The following ZBTB42 variants were observed in gnomAD, a reference collection of about 807,000 sequenced individuals.
ZBTB42 encodes the protein zinc finger and BTB domain-containing protein 42.
ZBTB42 carries 3 observed loss-of-function variants against 4.7 expected under a neutral mutation model. The ratio of observed to expected loss-of-function variants is 0.64; its 90% CI spans 0.29 to 1.66. The LOEUF is 1.66. Ranked by LOEUF, ZBTB42 falls within the 40% of genes most tolerant of loss-of-function variation. The pLI, the probability that ZBTB42 is intolerant of heterozygous loss-of-function variation, is 0.10. For synonymous variants in ZBTB42, 255 were observed against 259.5 expected (o/e 0.98, Z 0.17); for missense variants, 521 against 577.1 (o/e 0.90, Z 1.00).
rs1894033518 is a variant in ZBTB42 at position 104,801,185 on chromosome 14, TGAC to T, written c.-11_-9del. On this transcript the variant is annotated 5_prime_UTR_variant, in exon 1 of 1. Coordinates refer to ENST00000342537, the MANE Select transcript of ZBTB42 (RefSeq NM_001137601.3). This position sits in a 1 kb window ranked among gnomAD's most constrained non-coding sequence, Gnocchi z 4.4. The stretch of plus-strand genomic sequence containing the variant: ...GGGCGTCCCGTTTGTGCCCAGGTGA[TGAC>T]GGCGGCGGCATGGAGTTCCCTGAGC... 1 of 1,409,232 alleles carries T rather than the reference TGAC, an allele frequency of 7.1e-7. No individual in the cohort carries two copies. The highest frequency in any genetic ancestry group is 1.5e-5 in the African/African-American group (1 of 66,390). The allele number at this position is 1,409,232 out of a possible 1,614,324, so 87.3% of individuals were successfully genotyped here.
In ZBTB42 at chr14:104,802,312, A is replaced by T. The variant is rs1006754789; in HGVS notation, c.1115A>T (p.Gln372Leu). ...TGTGTGCAGTGTGGCAAAAGTTTTC[A>T]GTACTCCCACAACCTGAGCCGGCAC... is the stretch of plus-strand genomic sequence containing the variant. The part of the protein sequence containing the change: ...YTCVQCGKSF[Q>L]YSHNLSRHTV... Residue 372 changes from glutamine to leucine, a missense_variant, in exon 1 of 1, where the codon CAG (glutamine) becomes CTG (leucine). Physicochemically the swap from Gln to Leu is moderately radical, Grantham distance 113 (BLOSUM62 -2). Coordinates refer to ENST00000342537, the MANE Select transcript of ZBTB42 (RefSeq NM_001137601.3). This position sits in a 1 kb window ranked among gnomAD's most constrained non-coding sequence, Gnocchi z 5.9. 3.2e-6 allele frequency: 5 copies of T among 1,550,338 alleles called. No homozygotes were observed. The highest frequency in any genetic ancestry group is 4.4e-6 in the Non-Finnish European group (5 of 1,146,980).
In ZBTB42 at chr14:104,801,623, CTGGCCTG is replaced by C; in HGVS notation, c.428_434del (p.Trp143SerfsTer48). The C allele has an allele frequency of 6.5e-7, 1 of 1,550,068 alleles. No homozygotes were observed. Among genetic ancestry groups the C allele is most frequent in the Non-Finnish European group, 8.7e-7 (1 of 1,146,788 alleles). On this transcript the variant is annotated frameshift_variant, in exon 1 of 1. Transcript: ENST00000342537. LOFTEE classifies it low-confidence loss of function (END_TRUNC). This position sits in a 1 kb window ranked among gnomAD's most constrained non-coding sequence, Gnocchi z 4.4. ...CAGAACCTGCTCAGCCACCGTGCCCCTGGCCTGTCTGGACCGCGGACCTCTGCCCAGC... is the reference window on the plus strand; with the variant it reads ...CAGAACCTGCTCAGCCACCGTGCCCCTCTGGACCGCGGACCTCTGCCCAGC...
chr14:104,801,799 T>A lies in ZBTB42; in HGVS notation c.602T>A (p.Val201Asp), dbSNP rs1024169724. 8 of 1,549,500 alleles carry A rather than the reference T, an allele frequency of 5.2e-6. No individual in the cohort carries two copies. In the African/African-American group the frequency reaches 8.2e-5, roughly 16 times the overall value. The part of the protein sequence containing the change: ...SLKSGPRQER[V>D]HPPCVLQTPL... ...AAGTCTGGCCCAAGGCAGGAGCGGG[T>A]CCACCCACCGTGCGTCCTCCAGACA... The change falls in exon 1 of 1, where the codon GTC becomes GAC. Residue 201 changes from valine (V) to aspartate (D), a missense_variant. Val to Asp is a radical substitution (Grantham distance 152). Coordinates refer to ENST00000342537, the MANE Select transcript of ZBTB42 (RefSeq NM_001137601.3). This position sits in a 1 kb window ranked among gnomAD's most constrained non-coding sequence, Gnocchi z 4.4.
In ZBTB42 at chr14:104,802,779, T is replaced by C. The variant is rs1894078530; in HGVS notation, c.*313T>C. On this transcript the variant is annotated 3_prime_UTR_variant, in exon 1 of 1. Coordinates refer to ENST00000342537, the MANE Select transcript of ZBTB42 (RefSeq NM_001137601.3). This position sits in a 1 kb window ranked among gnomAD's most constrained non-coding sequence, Gnocchi z 5.9. ...CCCTCCAGCCAAGTTCTGAGGGGTGTCCAACCAGCACCTGGCTCTGCCCCC... is the reference window on the plus strand; with the variant it reads ...CCCTCCAGCCAAGTTCTGAGGGGTGCCCAACCAGCACCTGGCTCTGCCCCC... 2 of 437,432 alleles carry C rather than the reference T, an allele frequency of 4.6e-6. No individual in the cohort carries two copies. Among genetic ancestry groups the C allele is most frequent in the Admixed American group, 4.1e-5 (1 of 24,414 alleles). The allele number at this position is 437,432 out of a possible 1,614,324, so 27.1% of individuals were successfully genotyped here.
rs772654865 is a variant in ZBTB42, at chr14:104,802,042, C to T, written c.845C>T (p.Ala282Val). 30 of 1,494,844 alleles carry T rather than the reference C, an allele frequency of 2.0e-5. No homozygotes were observed. The highest frequency in any genetic ancestry group is 2.4e-5 in the Non-Finnish European group (27 of 1,122,234). 92.6% of individuals were successfully genotyped at this position (1,494,844 alleles called of 1,614,324 possible). ...CTGGAGCTTGGTGCAGGGCGACTGG[C>T]GAGTGAGGACGAGCTGGGGCCTGGT... ...RELELGAGRL[A>V]SEDELGPGGP... Residue 282 changes from alanine (A) to valine (V), a missense_variant, in exon 1 of 1, where the codon GCG becomes GTG. Coordinates refer to ENST00000342537, the MANE Select transcript of ZBTB42 (RefSeq NM_001137601.3). This position sits in a 1 kb window ranked among gnomAD's most constrained non-coding sequence, Gnocchi z 5.9.
chr14:104,802,931 AGTT>A lies in ZBTB42; in HGVS notation c.*470_*472del, dbSNP rs543691621. On this transcript the variant is annotated 3_prime_UTR_variant, in exon 1 of 1. Transcript: ENST00000342537. This position sits in a 1 kb window ranked among gnomAD's most constrained non-coding sequence, Gnocchi z 5.9. ...AGGTGAATTATTCACATGTCAGAAA[AGTT>A]GTTGGTGTGCGTCCCAATGGGGCGC... The A allele has an allele frequency of 7.2e-4, 142 of 197,718 alleles. No homozygotes were observed. The highest frequency in any genetic ancestry group is 1.3e-3 in the Non-Finnish European group (115 of 87,110). The allele number at this position is 197,718 out of a possible 1,614,324, so 12.2% of individuals were successfully genotyped here. A position where few individuals can be genotyped will look rare whatever the true frequency, so the allele number is the denominator to read the frequency against.
rs1004665020 is a variant in ZBTB42 at position 104,804,060 on chromosome 14, G to C, written c.*1594G>C. 6.0e-6 allele frequency: 1 copy of C among 166,748 alleles called. No homozygotes were observed. The highest frequency in any genetic ancestry group is 6.5e-5 in the Admixed American group (1 of 15,288). 10.3% of individuals were successfully genotyped at this position (166,748 alleles called of 1,614,324 possible). On this transcript the variant is annotated 3_prime_UTR_variant, in exon 1 of 1. Coordinates refer to ENST00000342537, the MANE Select transcript of ZBTB42 (RefSeq NM_001137601.3). ...GGATGGCTTTGGTCTCGAGACAGCT[G>C]GGGGAGGGGCCCTGCTTCTGATTGT...
rs550104413 is a variant in ZBTB42 at position 104,802,499 on chromosome 14, A to T, written c.*33A>T. On this transcript the variant is annotated 3_prime_UTR_variant, in exon 1 of 1. Coordinates refer to ENST00000342537, the MANE Select transcript of ZBTB42 (RefSeq NM_001137601.3). The surrounding 1 kb of genome is among the most constrained non-coding windows in gnomAD (Gnocchi z 5.9). The stretch of plus-strand genomic sequence containing the variant: ...CTGTGGGTCCTGAGGGTGGGGTGGA[A>T]GGGAAGGGATGGGCCCTCCCAGGTG... The T allele has an allele frequency of 4.2e-5, 65 of 1,531,224 alleles. No individual in the cohort carries two copies. The highest frequency in any genetic ancestry group is 5.7e-5 in the Non-Finnish European group (65 of 1,135,694). The allele number at this position is 1,531,224 out of a possible 1,614,324, so 94.9% of individuals were successfully genotyped here.
chr14:104,802,710 G>A lies in ZBTB42; in HGVS notation c.*244G>A, dbSNP rs1452866792. On this transcript the variant is annotated 3_prime_UTR_variant, in exon 1 of 1. Coordinates refer to ENST00000342537, the MANE Select transcript of ZBTB42 (RefSeq NM_001137601.3). The surrounding 1 kb of genome is among the most constrained non-coding windows in gnomAD (Gnocchi z 5.9). Reference sequence around the variant, plus strand: ...ACTCTCCAACTCATTCCGGCCCCCAGGCTGTGCCCTGCCTAGGCTGTGACA... The same window carrying A: ...ACTCTCCAACTCATTCCGGCCCCCAAGCTGTGCCCTGCCTAGGCTGTGACA... 1.6e-6 allele frequency: 1 copy of A among 613,312 alleles called. No individual in the cohort carries two copies. Among genetic ancestry groups the A allele is most frequent in the Non-Finnish European group, 2.9e-6 (1 of 344,952 alleles). 38.0% of individuals were successfully genotyped at this position (613,312 alleles called of 1,614,324 possible). A position where few individuals can be genotyped will look rare whatever the true frequency, so the allele number is the denominator to read the frequency against.
In ZBTB42 at chr14:104,803,576, T is replaced by G. The variant is rs1894103307; in HGVS notation, c.*1110T>G. ...GTGAAAGTGGCCATGGCGGCAGGGTTAGGGGCAGGTGAGGAGTGGGAGTCG... is the reference window on the plus strand; with the variant it reads ...GTGAAAGTGGCCATGGCGGCAGGGTGAGGGGCAGGTGAGGAGTGGGAGTCG... On this transcript the variant is annotated 3_prime_UTR_variant, in exon 1 of 1. Transcript: ENST00000342537. 3.0e-5 allele frequency: 5 copies of G among 167,054 alleles called. No homozygotes were observed. In the East Asian group the frequency reaches 5.8e-4, roughly 19 times the overall value. The allele number at this position is 167,054 out of a possible 1,614,324, so 10.3% of individuals were successfully genotyped here.
Position 104,804,109 on chromosome 14 carries a change from G to GC in ZBTB42, c.*1644dup, listed in dbSNP as rs1894115811. ...GTCCTGGGCCCCAGCCCCCACCTCT[G>GC]CAAGGGATCGGTGTGATGTGCTCCA... On this transcript the variant is annotated 3_prime_UTR_variant, in exon 1 of 1. Coordinates refer to ENST00000342537, the MANE Select transcript of ZBTB42 (RefSeq NM_001137601.3). 1 of 166,600 alleles carries GC rather than the reference G, an allele frequency of 6.0e-6. No homozygotes were observed. Among genetic ancestry groups the GC allele is most frequent in the South Asian group, 2.1e-4 (1 of 4,822 alleles). 10.3% of individuals were successfully genotyped at this position (166,600 alleles called of 1,614,324 possible).
At position 104,801,185 on chromosome 14, in the gene ZBTB42, T is replaced by C; in HGVS notation, c.-13T>C. 1 of 1,409,232 alleles carries C rather than the reference T, an allele frequency of 7.1e-7. No individual in the cohort carries two copies. Among genetic ancestry groups the C allele is most frequent in the Non-Finnish European group, 9.2e-7 (1 of 1,086,868 alleles). The allele number at this position is 1,409,232 out of a possible 1,614,324, so 87.3% of individuals were successfully genotyped here. A position where few individuals can be genotyped will look rare whatever the true frequency, so the allele number is the denominator to read the frequency against. On this transcript the variant is annotated 5_prime_UTR_variant, in exon 1 of 1. It removes an upstream start codon present in the reference 5' UTR. Transcript: ENST00000342537. The surrounding 1 kb of genome is among the most constrained non-coding windows in gnomAD (Gnocchi z 4.4). The stretch of plus-strand genomic sequence containing the variant: ...GGGCGTCCCGTTTGTGCCCAGGTGA[T>C]GACGGCGGCGGCATGGAGTTCCCTG...
Position 104,804,143 on chromosome 14 carries a change from T to TG in ZBTB42, c.*1683dup, listed in dbSNP as rs201207791. The TG allele has an allele frequency of 6.3e-6, 1 of 158,974 alleles. No homozygotes were observed. The highest frequency in any genetic ancestry group is 1.6e-5 in the Non-Finnish European group (1 of 63,804). The allele number at this position is 158,974 out of a possible 1,614,324, so 9.8% of individuals were successfully genotyped here. A position where few individuals can be genotyped will look rare whatever the true frequency, so the allele number is the denominator to read the frequency against. Reference sequence around the variant, plus strand: ...CGGTGTGATGTGCTCCATAATCGGGTGGGGGGTGTGTGTGTGTGTGTGTGT... The same window carrying TG: ...CGGTGTGATGTGCTCCATAATCGGGTGGGGGGGTGTGTGTGTGTGTGTGTGT... On this transcript the variant is annotated 3_prime_UTR_variant, in exon 1 of 1. Transcript: ENST00000342537.
rs569652332 is a variant in ZBTB42, at chr14:104,801,667, C to T, written c.470C>T (p.Ala157Val). 1.2e-3 allele frequency: 1,911 copies of T among 1,550,268 alleles called. 50 individuals are homozygous for T. The South Asian group carries it at 0.022, about 18-fold the overall frequency. Residue 157 changes from alanine to valine, a missense_variant, in exon 1 of 1, where the codon GCC becomes GTC. Physicochemically the swap from Ala to Val is moderately conservative, Grantham distance 64. Transcript: ENST00000342537. This position sits in a 1 kb window ranked among gnomAD's most constrained non-coding sequence, Gnocchi z 4.4. ...GACCTCTGCCCAGCTGCCCGAAAGG[C>T]CAAGCTCCCCCCGTTTGGGGTCAAG... ...TADLCPAARK[A>V]KLPPFGVKAA...
upstream of ZBTB42, chr14:104,800,727 T>TCTGCCCGCC (rs1894019317): frequency 6.9e-6 from 1 of 145,276 alleles, no homozygotes; most frequent in East Asian, 2.0e-4. This position sits in a 1 kb window ranked among gnomAD's most constrained non-coding sequence, Gnocchi z 5.3. Flanking sequence ...GGCTCCCGGC[T>TCTGCCCGCC]CTGCCCGCCC....
chr14:104,801,059 C>A, upstream of ZBTB42: 1 of 1,140,436 alleles, frequency 8.8e-7, no homozygotes. The surrounding 1 kb of genome is among the most constrained non-coding windows in gnomAD (Gnocchi z 4.4). Flanking sequence ...GTGCCCGCGG[C>A]GGCTCTGGAC....
chr14:104,801,426 G>A lies in ZBTB42; in HGVS notation c.229G>A (p.Gly77Ser). ...NGDIVTAPAF[G>S]RLLDFMYEGR... ...CGACATCGTCACGGCGCCCGCCTTC[G>A]GCCGCCTACTGGACTTCATGTACGA... is the stretch of plus-strand genomic sequence containing the variant. Residue 77 changes from glycine (G) to serine (S), a missense_variant, in exon 1 of 1, where the codon GGC (glycine) becomes AGC (serine). Physicochemically the swap from Gly to Ser is moderately conservative, Grantham distance 56. Transcript: ENST00000342537. The surrounding 1 kb of genome is among the most constrained non-coding windows in gnomAD (Gnocchi z 4.4). 6.5e-7 allele frequency: 1 copy of A among 1,549,054 alleles called. No homozygotes were observed. Among genetic ancestry groups the A allele is most frequent in the Non-Finnish European group, 8.7e-7 (1 of 1,146,190 alleles).
chr14:104,802,627 G>A lies in ZBTB42; in HGVS notation c.*161G>A. The A allele has an allele frequency of 8.8e-7, 1 of 1,135,490 alleles. No individual in the cohort carries two copies. Among genetic ancestry groups the A allele is most frequent in the Non-Finnish European group, 1.2e-6 (1 of 813,726 alleles). The allele number at this position is 1,135,490 out of a possible 1,614,324, so 70.3% of individuals were successfully genotyped here. ...AGAATGCTGCCTCTTCCTGGAACTTGGCCTCAGACTCGGTAACTTGGGCAG... is the reference window on the plus strand; with the variant it reads ...AGAATGCTGCCTCTTCCTGGAACTTAGCCTCAGACTCGGTAACTTGGGCAG... On this transcript the variant is annotated 3_prime_UTR_variant, in exon 1 of 1. Coordinates refer to ENST00000342537, the MANE Select transcript of ZBTB42 (RefSeq NM_001137601.3). This position sits in a 1 kb window ranked among gnomAD's most constrained non-coding sequence, Gnocchi z 5.9.
Position 104,801,249 on chromosome 14 carries a change from C to T in ZBTB42, c.52C>T (p.Arg18Cys). Residue 18 changes from arginine (R) to cysteine (C), a missense_variant, in exon 1 of 1, where the codon CGC (arginine) becomes TGC (cysteine). By Grantham distance (180) the Arg-to-Cys change is radical (BLOSUM62 -3). Transcript: ENST00000342537. This position sits in a 1 kb window ranked among gnomAD's most constrained non-coding sequence, Gnocchi z 4.4. ...GRLLGRLRQQ[R>C]ELGFLCDCTV... ...GCTGCTGGGCCGCCTGAGACAGCAG[C>T]GCGAGCTGGGCTTCCTATGCGACTG... 2 of 1,489,778 alleles carry T rather than the reference C, an allele frequency of 1.3e-6. No individual in the cohort carries two copies. The highest frequency in any genetic ancestry group is 2.5e-5 in the East Asian group (1 of 39,986). The allele number at this position is 1,489,778 out of a possible 1,614,324, so 92.3% of individuals were successfully genotyped here.
Sources: allele counts gnomAD v4.1 joint callset, GRCh38; gene constraint gnomAD v4.1.1; non-coding constraint Gnocchi (gnomAD v3.1); transcripts MANE v1.5; gene names NCBI Gene and HGNC (gene_info 2026-07-23, HGNC 2026-07-21).